The following CDS1 variants were observed in gnomAD, a reference collection of about 807,000 sequenced individuals.
CDS1 encodes CDP-diacylglycerol synthase 1.
CDS1 carries 41 observed loss-of-function variants against 62.1 expected under a neutral mutation model. The ratio of observed to expected loss-of-function variants is 0.66; its 90% CI spans 0.51 to 0.86. The LOEUF (loss-of-function observed/expected upper bound fraction) is 0.86, where lower values mean the gene tolerates loss of function less well. Among genes scored for constraint, CDS1 ranks in the 40% least tolerant of loss-of-function variants. The pLI is 0.00. For missense variants in CDS1, 470 were observed against 550.1 expected (o/e 0.85, Z 1.46); for synonymous variants, 185 against 192.6 (o/e 0.96, Z 0.32).
chr4:84,590,058 G>A (rs767754670), intron 1 of CDS1, among the ~76,000 whole-genome samples: 24 of 152,258 alleles, frequency 1.6e-4, no homozygotes, highest in Non-Finnish European at 2.6e-4. Context: ...TGATCTGCCC[G>A]CCTTGGCCTC....
rs527719185 is a variant in CDS1 at position 84,622,838 on chromosome 4, GT to G, written c.580+3312del. On this transcript the variant is annotated intron_variant, in intron 5 of 12. Transcript: ENST00000295887. Reference sequence around the variant, plus strand: ...AACCTACTTTACTTCTTCATATTCAGTTTTTTTATAGTAATAGTTAGCATTA... The same window carrying G: ...AACCTACTTTACTTCTTCATATTCAGTTTTTTATAGTAATAGTTAGCATTA... 6.8e-3 allele frequency among the ~76,000 whole-genome samples: 1,039 copies of G among 152,020 alleles called. 13 individuals carry two copies. Among genetic ancestry groups the G allele is most frequent in the African/African-American group, 0.024 (980 of 41,444 alleles).
At chr4:84,593,693 G>A (rs1049051934) in intron 1 of CDS1, among the ~76,000 whole-genome samples, 21 of 151,908 alleles carry the variant, frequency 1.4e-4, no homozygotes, top group Non-Finnish European at 2.5e-4. Flanking sequence ...TCGTAGAGAC[G>A]GGGTTTCACC....
rs761209404 is a variant in CDS1, at chr4:84,638,915, C to CTTT, written c.811-5_811-3dup. 304 of 1,472,732 alleles carry CTTT rather than the reference C, an allele frequency of 2.1e-4. No individual in the cohort carries two copies. The highest frequency in any genetic ancestry group is 2.6e-4 in the Non-Finnish European group (286 of 1,094,448). 91.2% of individuals were successfully genotyped at this position (1,472,732 alleles called of 1,614,324 possible). A position where few individuals can be genotyped will look rare whatever the true frequency, so the allele number is the denominator to read the frequency against. On this transcript the variant is annotated splice_polypyrimidine_tract_variant and intron_variant, in intron 8 of 12. Coordinates refer to ENST00000295887, the MANE Select transcript of CDS1 (RefSeq NM_001263.4). The stretch of plus-strand genomic sequence containing the variant: ...GTAAAGCTTTTTAATTTTATTTGCC[C>CTTT]TTTTTTAGTTGTCTCCTAAAAAGAC...
intron 1 of CDS1, among the ~76,000 whole-genome samples, chr4:84,600,257 A>T (rs1722896125): frequency 6.6e-6 from 1 of 152,164 alleles, no homozygotes; most frequent in South Asian, 2.1e-4. Context: ...TGTATTCCAG[A>T]TTACAAGTCC....
chr4:84,630,350 CAGTT>C (rs1723983555), intron 5 of CDS1, among the ~76,000 whole-genome samples: 2 of 151,994 alleles, frequency 1.3e-5, no homozygotes, highest in African/African-American at 4.8e-5. Flanking sequence ...TTGTGCAGGC[CAGTT>C]AGTTGGATTA....
chr4:84,644,140 G>T (rs1724480340), intron 11 of CDS1, among the ~76,000 whole-genome samples: 1 of 152,160 alleles, frequency 6.6e-6, no homozygotes, highest in Non-Finnish European at 1.5e-5. Flanking sequence ...GGGAATAAGT[G>T]AACTCAGCGA....
chr4:84,639,104 T>TTCTTA (rs926510653), intron 9 of CDS1, 112 bp downstream of exon 9: 13 of 396,070 alleles, frequency 3.3e-5, no homozygotes, highest in South Asian at 2.2e-4. Flanking sequence ...ATAATATATT[T>TTCTTA]ATTGAAACCT....
chr4:84,643,187 A>C, intron 11 of CDS1, 44 bp downstream of exon 11: 1 of 1,589,996 alleles, frequency 6.3e-7, no homozygotes, highest in Non-Finnish European at 8.6e-7. Flanking sequence ...GAATATAATT[A>C]GAGAATGTAA....
At chr4:84,633,282 G>A (rs947497940) in intron 6 of CDS1, among the ~76,000 whole-genome samples, 13 of 152,130 alleles carry the variant, frequency 8.5e-5, no homozygotes, top group Non-Finnish European at 2.9e-5. Flanking sequence ...AAAACACAAA[G>A]GTCTTTAAAA....
chr4:84,584,326 T>C (rs952602077), intron 1 of CDS1, among the ~76,000 whole-genome samples: 2 of 152,250 alleles, frequency 1.3e-5, no homozygotes, highest in Non-Finnish European at 2.9e-5. Context: ...TATGATCTTA[T>C]GGACTGGATG....
At chr4:84,585,289 C>T (rs1227637055) in intron 1 of CDS1, among the ~76,000 whole-genome samples, 1 of 152,130 alleles carries the variant, frequency 6.6e-6, no homozygotes, top group Non-Finnish European at 1.5e-5. Flanking sequence ...TGAAAGTAGA[C>T]TTTGCTATAT....
At chr4:84,608,665 TATTCTC>T (rs1723209788) in intron 2 of CDS1, among the ~76,000 whole-genome samples, 1 of 152,158 alleles carries the variant, frequency 6.6e-6, no homozygotes, top group African/African-American at 2.4e-5. Flanking sequence ...TTTCATTACT[TATTCTC>T]ATTGGCAGTC....
chr4:84,633,154 A>G (rs1351051247), intron 6 of CDS1, among the ~76,000 whole-genome samples: 1 of 152,202 alleles, frequency 6.6e-6, no homozygotes, highest in Non-Finnish European at 1.5e-5. Flanking sequence ...AATAAATCAA[A>G]ATCTTAAGAA....
chr4:84,589,679 G>A (rs1056336448), intron 1 of CDS1, among the ~76,000 whole-genome samples: 1 of 152,204 alleles, frequency 6.6e-6, no homozygotes, highest in African/African-American at 2.4e-5. Context: ...CCAGCCAGGT[G>A]GTAAGACAGA....
Position 84,651,076 on chromosome 4 carries a change from C to T in CDS1, c.*2390C>T, listed in dbSNP as rs1202519833. On this transcript the variant is annotated 3_prime_UTR_variant, in exon 13 of 13. Transcript: ENST00000295887. Reference sequence around the variant, plus strand: ...CTGTGGGATGCACATTCTTCCTCAGCGCTTTTTCCTTGTTGTGGTGACGTA... The same window carrying T: ...CTGTGGGATGCACATTCTTCCTCAGTGCTTTTTCCTTGTTGTGGTGACGTA... 10 of 152,162 alleles carry T rather than the reference C, an allele frequency of 6.6e-5. No individual in the cohort carries two copies. The highest frequency in any genetic ancestry group is 1.0e-4 in the Non-Finnish European group (7 of 68,028). The allele number at this position is 152,162 out of a possible 1,614,324, so 9.4% of individuals were successfully genotyped here.
Position 84,583,474 on chromosome 4 carries a change from G to GA in CDS1, c.74dup (p.Ala26GlyfsTer19), listed in dbSNP as rs1722316022. On this transcript the variant is annotated frameshift_variant, in exon 1 of 13. Coordinates refer to ENST00000295887, the MANE Select transcript of CDS1 (RefSeq NM_001263.4). LOFTEE classifies it high-confidence loss of function. ...GGTGTCGCCGCCACACCGCGAGGGAGAGGCGGCCGGCGGCGACCACGAAAC... is the reference window on the plus strand; with the variant it reads ...GGTGTCGCCGCCACACCGCGAGGGAGAAGGCGGCCGGCGGCGACCACGAAAC... 1.3e-6 allele frequency: 2 copies of GA among 1,568,696 alleles called. No homozygotes were observed. Among genetic ancestry groups the GA allele is most frequent in the Admixed American group, 3.7e-5 (2 of 53,372 alleles).
At chr4:84,596,398 G>C (rs1239839332) in intron 1 of CDS1, among the ~76,000 whole-genome samples, 1 of 152,206 alleles carries the variant, frequency 6.6e-6, no homozygotes, top group Non-Finnish European at 1.5e-5. Flanking sequence ...GGCTGCAGGG[G>C]AAAATCTGTT....
intron 5 of CDS1, among the ~76,000 whole-genome samples, chr4:84,620,294 C>G (rs960033064): frequency 4.2e-5 from 6 of 141,692 alleles, no homozygotes; most frequent in African/African-American, 1.6e-4. Flanking sequence ...GTGATCTCAG[C>G]TCACTGCAAG....
intron 11 of CDS1, among the ~76,000 whole-genome samples, chr4:84,644,389 G>C (rs1002706894): frequency 6.6e-6 from 1 of 151,932 alleles, no homozygotes; most frequent in Admixed American, 6.6e-5. Flanking sequence ...GAGAGAAATG[G>C]GTTGGCAAAA....
Sources: gnomAD v4.1 joint callset for allele counts (sites outside exome capture counted in the v4.1 genomes callset) on GRCh38, gnomAD v4.1.1 for gene constraint, MANE v1.5 for transcripts, NCBI Gene and HGNC (gene_info 2026-07-23, HGNC 2026-07-21) for gene names.